The following EYS variants were observed in gnomAD, a reference collection of about 807,000 sequenced individuals.
EYS encodes EGF-like photoreceptor maintenance factor, also known as protein eyes shut homolog.
Under a neutral mutation model 282.1 loss-of-function variants are expected in EYS, and 250 were observed. The observed-to-expected ratio is 0.89, with a 90% CI of 0.80 to 0.98. The LOEUF (loss-of-function observed/expected upper bound fraction) is 0.98, where lower values mean the gene tolerates loss of function less well. EYS is among the 50% of genes least tolerant of loss of function. The pLI, the probability that EYS is intolerant of heterozygous loss-of-function variation, is 0.00. For synonymous variants in EYS, 1,355 were observed against 1,282.9 expected (o/e 1.06, Z -1.20); for missense variants, 4,016 against 3,709.0 (o/e 1.08, Z -2.15).
intron 27 of EYS, among the ~76,000 whole-genome samples, 199 bp downstream of exon 27, chr6:64,438,962 GT>G (rs935938380): frequency 6.6e-6 from 1 of 151,418 alleles, no homozygotes; most frequent in African/African-American, 2.4e-5. Flanking sequence ...TATTAAATCA[GT>G]TTTTTTGCTT....
chr6:64,786,548 CA>C (rs915869889), intron 22 of EYS, among the ~76,000 whole-genome samples: 2 of 152,070 alleles, frequency 1.3e-5, no homozygotes, highest in African/African-American at 4.8e-5. Flanking sequence ...ACATGTGGGG[CA>C]GGGGCACTGG....
At chr6:65,278,922 C>A (rs1469001606) in intron 12 of EYS, among the ~76,000 whole-genome samples, 1 of 152,102 alleles carries the variant, frequency 6.6e-6, no homozygotes, top group African/African-American at 2.4e-5. Context: ...AGCCCGGTGG[C>A]TCCTGCTTGT....
At chr6:64,137,128 T>C (rs1774187265) in intron 31 of EYS, among the ~76,000 whole-genome samples, 1 of 152,186 alleles carries the variant, frequency 6.6e-6, no homozygotes, top group African/African-American at 2.4e-5. Context: ...GACATGGAGA[T>C]GGCTTCTTAA....
At chr6:65,094,205 C>A (rs1357614611) in intron 12 of EYS, among the ~76,000 whole-genome samples, 2 of 147,984 alleles carry the variant, frequency 1.4e-5, no homozygotes, top group Non-Finnish European at 3.0e-5. Context: ...ATCAGAGCAC[C>A]TAAATATATA....
intron 12 of EYS, among the ~76,000 whole-genome samples, chr6:65,165,312 A>T (rs1389579428): frequency 6.7e-6 from 1 of 150,118 alleles, no homozygotes; most frequent in East Asian, 2.0e-4. Flanking sequence ...ATTTATTTGC[A>T]CATCTTCAAG....
chr6:64,045,920 A>G (rs1343227305), intron 33 of EYS, among the ~76,000 whole-genome samples: 6 of 147,774 alleles, frequency 4.1e-5, no homozygotes, highest in Non-Finnish European at 6.0e-5. Context: ...TTTATTATAT[A>G]TGTAATATAT....
At chr6:64,095,504 T>A (rs1268074360) in intron 31 of EYS, among the ~76,000 whole-genome samples, 3 of 152,156 alleles carry the variant, frequency 2.0e-5, no homozygotes, top group African/African-American at 7.2e-5. Context: ...TTTACCATTA[T>A]GTAATGGCCT....
rs184223240 is a variant in EYS at position 63,969,543 on chromosome 6, C to A, written c.7055+14840G>T. Among the ~76,000 whole-genome samples the A allele has an allele frequency of 5.3e-5, 8 of 152,264 alleles. No homozygotes were observed. In the East Asian group the frequency reaches 1.5e-3, roughly 29 times the overall value. ...TAATTATTATAGAATCCTTCAATAA[C>A]CTCAAGCAGTACTATTAGGACTTAT... On this transcript the variant is annotated intron_variant, in intron 35 of 42. Transcript: ENST00000503581.
Position 64,062,399 on chromosome 6 carries a change from C to T in EYS, c.6725+3939G>A, listed in dbSNP as rs117420556. Among the ~76,000 whole-genome samples the T allele has an allele frequency of 3.0e-3, 463 of 152,228 alleles. 18 individuals carry two copies. The East Asian group carries it at 0.076, about 25-fold the overall frequency. On this transcript the variant is annotated intron_variant, in intron 33 of 42. Transcript: ENST00000503581. Reference sequence around the variant, plus strand: ...CTTACTGGCCTAAACTTTTAAGAAACTTATGTTCTCAGCCAGGCTTGGTGG... The same window carrying T: ...CTTACTGGCCTAAACTTTTAAGAAATTTATGTTCTCAGCCAGGCTTGGTGG...
intron 28 of EYS, among the ~76,000 whole-genome samples, chr6:64,412,100 A>G (rs1010312898): frequency 7.9e-5 from 12 of 151,780 alleles, no homozygotes; most frequent in Non-Finnish European, 1.6e-4. Flanking sequence ...CTGAAAAAAT[A>G]AATAATATAG....
intron 22 of EYS, among the ~76,000 whole-genome samples, chr6:64,635,912 T>G (rs1422461126): frequency 6.6e-6 from 1 of 152,180 alleles, no homozygotes; most frequent in East Asian, 1.9e-4. Context: ...CAGCTCCTCC[T>G]TGTACCTCTG....
intron 28 of EYS, among the ~76,000 whole-genome samples, chr6:64,426,408 AG>A (rs1163010446): frequency 3.9e-5 from 6 of 152,236 alleles, no homozygotes; most frequent in Non-Finnish European, 7.3e-5. Context: ...AGGACTGAAT[AG>A]TAAAGAACAA....
intron 12 of EYS, among the ~76,000 whole-genome samples, chr6:65,207,347 TA>T (rs1766061302): frequency 7.0e-6 from 1 of 142,420 alleles, no homozygotes; most frequent in Non-Finnish European, 1.5e-5. Context: ...CAAGAAGAAC[TA>T]AAAGACACTG....
intron 35 of EYS, among the ~76,000 whole-genome samples, chr6:63,890,161 A>C (rs958958280): frequency 5.3e-5 from 8 of 152,194 alleles, no homozygotes; most frequent in African/African-American, 9.6e-5. Flanking sequence ...ACACAATAAT[A>C]GCCCACTGTC....
At chr6:65,064,149 TATATATAAC>T (rs1773660419) in intron 12 of EYS, among the ~76,000 whole-genome samples, 2 of 144,332 alleles carry the variant, frequency 1.4e-5, no homozygotes, top group South Asian at 4.2e-4. Context: ...AAGTATATAG[TATATATAAC>T]ATATATAATA....
intron 12 of EYS, among the ~76,000 whole-genome samples, chr6:65,077,450 T>A (rs1561954149): frequency 6.6e-6 from 1 of 152,134 alleles, no homozygotes; most frequent in Non-Finnish European, 1.5e-5. Flanking sequence ...GCTCTAGGTT[T>A]ATAATGAAAT....
At chr6:65,432,803 C>A (rs910686735) in intron 5 of EYS, among the ~76,000 whole-genome samples, 1 of 151,724 alleles carries the variant, frequency 6.6e-6, no homozygotes, top group African/African-American at 2.4e-5. Context: ...GACATGGCAG[C>A]AATGAAATGG....
intron 29 of EYS, among the ~76,000 whole-genome samples, chr6:64,343,108 G>A (rs1227860521): frequency 6.6e-6 from 1 of 152,060 alleles, no homozygotes; most frequent in African/African-American, 2.4e-5. Context: ...ATAATAATGG[G>A]AGACTTTAAC....
intron 36 of EYS, chr6:63,821,970 C>T (rs1771336637): frequency 1.3e-5 from 2 of 152,208 alleles, no homozygotes; most frequent in Non-Finnish European, 2.9e-5. Context: ...AAGAAATCTC[C>T]TGTCCTTTCC....
Sources: allele counts gnomAD v4.1 joint callset (sites outside exome capture counted in the v4.1 genomes callset), GRCh38; gene constraint gnomAD v4.1.1; transcripts MANE v1.5; gene names NCBI Gene and HGNC (gene_info 2026-07-23, HGNC 2026-07-21).